ATE1: variants seen among roughly 807,000 people sequenced by gnomAD.
ATE1 encodes arginyltransferase 1.
A neutral mutation model predicts 70.5 loss-of-function variants in ATE1; 36 were observed. The ratio of observed to expected loss-of-function variants is 0.51; its 90% CI spans 0.39 to 0.67. The LOEUF (loss-of-function observed/expected upper bound fraction) is 0.67. Among genes scored for constraint, ATE1 ranks in the 30% least tolerant of loss-of-function variants. The pLI is 0.00. For missense variants in ATE1, 593 were observed against 629.5 expected (o/e 0.94, Z 0.62); for synonymous variants, 232 against 219.3 (o/e 1.06, Z -0.51).
chr10:121,886,809 C>T (rs1321889292), intron 7 of ATE1, among the ~76,000 whole-genome samples: 1 of 152,084 alleles, frequency 6.6e-6, no homozygotes, highest in Admixed American at 6.6e-5. Flanking sequence ...TTTCCAAGAA[C>T]TATTAATGAC....
At chr10:121,919,872 T>A (rs1951811391) in intron 3 of ATE1, among the ~76,000 whole-genome samples, 1 of 151,578 alleles carries the variant, frequency 6.6e-6, no homozygotes, top group Non-Finnish European at 1.5e-5. Flanking sequence ...CACTCCAGCC[T>A]GGGTGACACA....
chr10:121,817,263 G>A (rs112222233), intron 10 of ATE1, among the ~76,000 whole-genome samples: 12 of 152,318 alleles, frequency 7.9e-5, no homozygotes, highest in South Asian at 2.1e-4. Flanking sequence ...AGTTCAGGCC[G>A]GGCACAGCGG....
At chr10:121,778,632 A>ATC (rs1945848144) in intron 11 of ATE1, among the ~76,000 whole-genome samples, 1 of 117,820 alleles carries the variant, frequency 8.5e-6, no homozygotes, top group Non-Finnish European at 1.6e-5. Flanking sequence ...GCTGGAGTTG[A>ATC]TCTCACTCTC....
At chr10:121,777,411 AG>A (rs1341351223) in intron 11 of ATE1, among the ~76,000 whole-genome samples, 1 of 151,768 alleles carries the variant, frequency 6.6e-6, no homozygotes, top group Non-Finnish European at 1.5e-5. Context: ...AGCGATTCTA[AG>A]AACATGACAG....
chr10:121,927,309 G>C, intron 1 of ATE1: 5 of 985,068 alleles, frequency 5.1e-6, no homozygotes, highest in Middle Eastern at 1.0e-3. Flanking sequence ...TAGCGACCGC[G>C]GTCACCAGTT....
chr10:121,854,862 C>CACGGG (rs1949188081), intron 8 of ATE1, among the ~76,000 whole-genome samples: 1 of 152,104 alleles, frequency 6.6e-6, no homozygotes, highest in African/African-American at 2.4e-5. Flanking sequence ...TGGTGTAACC[C>CACGGG]ATGGGCTCCC....
chr10:121,924,182 A>G (rs1951989046), intron 2 of ATE1, 84 bp downstream of exon 2: 1 of 1,338,308 alleles, frequency 7.5e-7, no homozygotes, highest in Admixed American at 1.9e-5. Context: ...ACCTCTTTCC[A>G]ACAGGAAAGC....
In ATE1 at chr10:121,741,412, A is replaced by G. The variant is rs1423013832; in HGVS notation, c.*2268T>C. 2.0e-5 allele frequency: 3 copies of G among 152,194 alleles called. No individual in the cohort carries two copies. Among genetic ancestry groups the G allele is most frequent in the South Asian group, 2.1e-4 (1 of 4,830 alleles). 9.4% of individuals were successfully genotyped at this position (152,194 alleles called of 1,614,324 possible). On this transcript the variant is annotated 3_prime_UTR_variant, in exon 12 of 12. Coordinates refer to ENST00000224652, the MANE Select transcript of ATE1 (RefSeq NM_001001976.3). ...TCACTCTGAGTCTTTGCTGGTGTCA[A>G]CCTACAATGCCACCCTCAAGGAAAG...
At chr10:121,802,097 G>A (rs1016683580) in intron 10 of ATE1, among the ~76,000 whole-genome samples, 1 of 152,234 alleles carries the variant, frequency 6.6e-6, no homozygotes, top group Non-Finnish European at 1.5e-5. Flanking sequence ...ATACTCACAA[G>A]TGTGTGCCCT....
At chr10:121,768,787 T>C (rs1945380844) in intron 11 of ATE1, among the ~76,000 whole-genome samples, 1 of 152,190 alleles carries the variant, frequency 6.6e-6, no homozygotes, top group South Asian at 2.1e-4. Context: ...TCTGTATGTA[T>C]GCCCTAAATT....
chr10:121,788,697 G>A (rs535500956), intron 11 of ATE1, among the ~76,000 whole-genome samples: 1 of 152,006 alleles, frequency 6.6e-6, no homozygotes, highest in Non-Finnish European at 1.5e-5. Context: ...CCCAAACTTA[G>A]ACAACGGGTG....
chr10:121,745,244 A>T (rs1414929392), intron 11 of ATE1, among the ~76,000 whole-genome samples: 1 of 152,234 alleles, frequency 6.6e-6, no homozygotes, highest in Non-Finnish European at 1.5e-5. Context: ...TCACTGACTC[A>T]ATAAGTCTAC....
chr10:121,915,037 GA>G (rs1437804936), intron 3 of ATE1, among the ~76,000 whole-genome samples: 1 of 152,156 alleles, frequency 6.6e-6, no homozygotes, highest in Non-Finnish European at 1.5e-5. Context: ...ATGGAACACT[GA>G]AAAGTCAGAA....
chr10:121,818,075 G>A (rs1419207289), intron 10 of ATE1, among the ~76,000 whole-genome samples: 3 of 151,812 alleles, frequency 2.0e-5, no homozygotes, highest in Non-Finnish European at 4.4e-5. Context: ...ACCAGCCTGG[G>A]CAACAAAGTG....
intron 7 of ATE1, among the ~76,000 whole-genome samples, chr10:121,888,010 G>C (rs2134171627): frequency 6.6e-6 from 1 of 152,254 alleles, no homozygotes; most frequent in East Asian, 1.9e-4. Flanking sequence ...TTGGGAAAGA[G>C]GTTATTCCTC....
chr10:121,916,175 A>C (rs1241217825), intron 3 of ATE1, among the ~76,000 whole-genome samples: 55 of 146,770 alleles, frequency 3.7e-4, no homozygotes, highest in Middle Eastern at 7.9e-3. Context: ...TGCAGTGAGC[A>C]GAGATCACAC....
At chr10:121,764,801 C>T (rs1329167164) in intron 11 of ATE1, among the ~76,000 whole-genome samples, 1 of 152,120 alleles carries the variant, frequency 6.6e-6, no homozygotes, top group Non-Finnish European at 1.5e-5. Flanking sequence ...CTGGAATGTG[C>T]TGTAGAACTG....
intron 11 of ATE1, among the ~76,000 whole-genome samples, chr10:121,747,183 GTCGTTTTCTA>G (rs1233278129): frequency 6.6e-6 from 1 of 152,230 alleles, no homozygotes; most frequent in Non-Finnish European, 1.5e-5. Context: ...GAGTGCCATT[GTCGTTTTCTA>G]TTGTTAATTT....
chr10:121,846,123 T>C (rs770589501), intron 8 of ATE1, among the ~76,000 whole-genome samples: 19 of 89,064 alleles, frequency 2.1e-4, no homozygotes, highest in Non-Finnish European at 4.3e-4. Context: ...AGTAGCACTA[T>C]TCAAAAAAAA....
Sources: allele counts gnomAD v4.1 joint callset (sites outside exome capture counted in the v4.1 genomes callset), GRCh38; gene constraint gnomAD v4.1.1; transcripts MANE v1.5; gene names NCBI Gene and HGNC (gene_info 2026-07-23, HGNC 2026-07-21).